The following PPP1R21 variants were observed in gnomAD, a reference collection of about 807,000 sequenced individuals.
PPP1R21 encodes the protein protein phosphatase 1 regulatory subunit 21, also known as KLRAQ motif containing 1.
PPP1R21 carries 85 observed loss-of-function variants against 112.8 expected under a neutral mutation model. That is an observed-to-expected ratio of 0.75 (90% CI 0.63 to 0.90). The LOEUF is 0.90. PPP1R21 is among the 40% of genes least tolerant of loss of function. The pLI is 0.00. For synonymous variants in PPP1R21, 381 were observed against 322.3 expected (o/e 1.18, Z -1.95); for missense variants, 1,199 against 901.5 (o/e 1.33, Z -4.23).
intron 13 of PPP1R21, among the ~76,000 whole-genome samples, chr2:48,485,675 C>T (rs1405516781): frequency 1.3e-5 from 2 of 151,540 alleles, no homozygotes; most frequent in African/African-American, 4.8e-5. Flanking sequence ...TGAGTTAAAA[C>T]ATCATGATCA....
intron 4 of PPP1R21, 70 bp from the exon 5 acceptor site, chr2:48,459,684 A>C: frequency 6.6e-7 from 1 of 1,519,292 alleles, no homozygotes; most frequent in East Asian, 2.3e-5. Flanking sequence ...GTGAATAGTC[A>C]CTGCTGTTAT....
In PPP1R21 at chr2:48,475,163, G is replaced by C. The variant is rs193020087; in HGVS notation, c.1225+344G>C. ...AGGTCAGGAGTTCAAGACCATCCTG[G>C]GCAGCACAGGGAGACCCCATCTCTA... is the stretch of plus-strand genomic sequence containing the variant. On this transcript the variant is annotated intron_variant, in intron 12 of 21. Coordinates refer to ENST00000294952, the MANE Select transcript of PPP1R21 (RefSeq NM_001135629.3). Among the ~76,000 whole-genome samples, 876 of 151,442 alleles carry C rather than the reference G, an allele frequency of 5.8e-3. 13 individuals carry two copies. The highest frequency in any genetic ancestry group is 0.022 in the South Asian group (103 of 4,778).
chr2:48,469,552 T>C (rs147057249), intron 9 of PPP1R21, among the ~76,000 whole-genome samples: 1 of 106,904 alleles, frequency 9.4e-6, no homozygotes, highest in East Asian at 2.5e-4. Context: ...TATATATATA[T>C]AGAGAGAGAG....
intron 1 of PPP1R21, among the ~76,000 whole-genome samples, chr2:48,449,415 T>A (rs1667383838): frequency 6.6e-6 from 1 of 152,218 alleles, no homozygotes; most frequent in Non-Finnish European, 1.5e-5. Context: ...TAAGTGAATT[T>A]CCCAAGTTTA....
At chr2:48,512,773 C>G (rs140020340) in intron 21 of PPP1R21, among the ~76,000 whole-genome samples, 2 of 152,192 alleles carry the variant, frequency 1.3e-5, no homozygotes, top group South Asian at 2.1e-4. Context: ...CATTATGGTT[C>G]TCCAGTTACT....
rs534635588 is a variant in PPP1R21, at chr2:48,472,483, G to A, written c.1088+1116G>A. Among the ~76,000 whole-genome samples the A allele has an allele frequency of 5.8e-3, 872 of 150,890 alleles. 5 individuals are homozygous for A. The highest frequency in any genetic ancestry group is 9.9e-3 in the Non-Finnish European group (669 of 67,718). ...TCTACTAAAAATACAAAAATTAGCCGGGCGTGGTGGTGCATGCCTGTAGTC... is the reference window on the plus strand; with the variant it reads ...TCTACTAAAAATACAAAAATTAGCCAGGCGTGGTGGTGCATGCCTGTAGTC... On this transcript the variant is annotated intron_variant, in intron 11 of 21. Coordinates refer to ENST00000294952, the MANE Select transcript of PPP1R21 (RefSeq NM_001135629.3).
At chr2:48,456,563 T>C (rs1233185836) in intron 3 of PPP1R21, among the ~76,000 whole-genome samples, 2 of 152,346 alleles carry the variant, frequency 1.3e-5, no homozygotes, top group South Asian at 2.1e-4. Flanking sequence ...TTGTGAGGAT[T>C]GTATGGTATC....
intron 3 of PPP1R21, among the ~76,000 whole-genome samples, chr2:48,455,294 G>A (rs1274724861): frequency 6.6e-6 from 1 of 151,934 alleles, no homozygotes; most frequent in African/African-American, 2.4e-5. Context: ...TTGCGGGCAT[G>A]TGGCACTCCC....
intron 18 of PPP1R21, among the ~76,000 whole-genome samples, chr2:48,506,157 T>C (rs1046745436): frequency 2.6e-5 from 4 of 152,238 alleles, no homozygotes; most frequent in Non-Finnish European, 4.4e-5. Context: ...TGCAGTGGCA[T>C]GATCTCAGCT....
rs1432279671 is a variant in PPP1R21 at position 48,499,192 on chromosome 2, C to A, written c.1935+457C>A. Among the ~76,000 whole-genome samples the A allele has an allele frequency of 5.3e-5, 8 of 152,194 alleles. No individual in the cohort carries two copies. In the East Asian group the frequency reaches 1.5e-3, roughly 29 times the overall value. On this transcript the variant is annotated intron_variant, in intron 17 of 21. Coordinates refer to ENST00000294952, the MANE Select transcript of PPP1R21 (RefSeq NM_001135629.3). Reference sequence around the variant, plus strand: ...ATCTTAATTATACATCAGTTCATAACAGGAGTGATCCGTGTACTCTAGAAG... The same window carrying A: ...ATCTTAATTATACATCAGTTCATAAAAGGAGTGATCCGTGTACTCTAGAAG...
intron 17 of PPP1R21, among the ~76,000 whole-genome samples, chr2:48,500,332 G>C (rs566478683): frequency 6.1e-4 from 92 of 151,968 alleles, no homozygotes; most frequent in African/African-American, 2.2e-3. Flanking sequence ...GATCAATAAA[G>C]CAAAACAGGC....
At chr2:48,472,842 T>G (rs1197828423) in intron 11 of PPP1R21, among the ~76,000 whole-genome samples, 2 of 151,520 alleles carry the variant, frequency 1.3e-5, no homozygotes, top group African/African-American at 4.9e-5. Context: ...TCCTAGCTAC[T>G]TAGGAGGCTG....
At chr2:48,445,509 A>C (rs1424514384) in intron 1 of PPP1R21, among the ~76,000 whole-genome samples, 2 of 152,192 alleles carry the variant, frequency 1.3e-5, no homozygotes, top group East Asian at 3.9e-4. Flanking sequence ...ATTCTGGTTT[A>C]GTAGGTCTGG....
At chr2:48,445,510 G>C (rs976337822) in intron 1 of PPP1R21, among the ~76,000 whole-genome samples, 1 of 152,200 alleles carries the variant, frequency 6.6e-6, no homozygotes, top group African/African-American at 2.4e-5. Context: ...TTCTGGTTTA[G>C]TAGGTCTGGG....
rs1553339244 is a variant in PPP1R21 at position 48,469,483 on chromosome 2, T to TATAGAG, written c.898-1603_898-1602insTAGAGA. ...TATATATAGAGCATATATATATATA[T>TATAGAG]AGAGCATATATATATATATATAGAG... On this transcript the variant is annotated intron_variant, in intron 9 of 21. Coordinates refer to ENST00000294952, the MANE Select transcript of PPP1R21 (RefSeq NM_001135629.3). Among the ~76,000 whole-genome samples, 14 of 66,442 alleles carry TATAGAG rather than the reference T, an allele frequency of 2.1e-4. 1 individual carries two copies. The highest frequency in any genetic ancestry group is 9.0e-4 in the African/African-American group (14 of 15,506). The allele number at this position is 66,442 out of a possible 152,430, so 43.6% of individuals were successfully genotyped here. A position where few individuals can be genotyped will look rare whatever the true frequency, so the allele number is the denominator to read the frequency against.
At chr2:48,479,144 G>A (rs990997957) in intron 12 of PPP1R21, among the ~76,000 whole-genome samples, 11 of 152,180 alleles carry the variant, frequency 7.2e-5, no homozygotes, top group African/African-American at 2.7e-4. Context: ...CATCTTAGGA[G>A]TAGGGGCTGG....
intron 18 of PPP1R21, among the ~76,000 whole-genome samples, chr2:48,505,882 T>G (rs1670351051): frequency 1.3e-5 from 2 of 152,122 alleles, no homozygotes; most frequent in Non-Finnish European, 1.5e-5. Flanking sequence ...TGGGCCTTCA[T>G]TTGCTGGCAT....
At chr2:48,514,608 T>C in intron 21 of PPP1R21, 107 bp from the exon 22 acceptor site, 1 of 791,016 alleles carries the variant, frequency 1.3e-6, no homozygotes, top group Non-Finnish European at 2.2e-6. Context: ...TTTTGGAAGC[T>C]AGTGTTCCAA....
intron 11 of PPP1R21, among the ~76,000 whole-genome samples, chr2:48,474,166 C>G (rs1037484527): frequency 7.3e-5 from 11 of 151,430 alleles, no homozygotes; most frequent in Admixed American, 6.6e-4. Flanking sequence ...GCGGATCACC[C>G]GAGGTCAGGA....
Sources: gnomAD v4.1 joint callset for allele counts (sites outside exome capture counted in the v4.1 genomes callset) on GRCh38, gnomAD v4.1.1 for gene constraint, MANE v1.5 for transcripts, NCBI Gene and HGNC (gene_info 2026-07-23, HGNC 2026-07-21) for gene names.